The following AGO2 variants were observed in gnomAD, a reference collection of about 807,000 sequenced individuals.
AGO2 encodes argonaute RISC catalytic component 2.
In AGO2, 5 loss-of-function variants were observed where a neutral mutation model predicts 102.3. That is an observed-to-expected ratio of 0.05 (90% CI 0.03 to 0.10). The LOEUF (loss-of-function observed/expected upper bound fraction) is 0.10, where lower values mean the gene tolerates loss of function less well. AGO2 is among the 10% of genes least tolerant of loss of function. The pLI is 1.00. For missense variants in AGO2, 541 were observed against 1,183.7 expected, an observed-to-expected ratio of 0.46 and a Z score of 7.97; for synonymous variants, 449 against 473.1, an observed-to-expected ratio of 0.95 and a Z score of 0.66.
At chr8:140,606,084 T>C (rs3802214) in intron 1 of AGO2, among the ~76,000 whole-genome samples, 120,134 of 152,256 alleles carry the variant, frequency 0.79, 47,696 homozygotes, top group Admixed American at 0.84. Context: ...AGTAAAATAT[T>C]TGCAACTTAG....
intron 9 of AGO2, 44 bp from the exon 10 acceptor site, chr8:140,556,062 TC>T (rs1440564283): frequency 1.2e-6 from 2 of 1,612,036 alleles, no homozygotes; most frequent in Non-Finnish European, 8.5e-7. Flanking sequence ...GGTGGAGGCC[TC>T]CCATCTCTCT....
chr8:140,547,114 G>C (rs2072914666), intron 13 of AGO2, among the ~76,000 whole-genome samples: 1 of 152,232 alleles, frequency 6.6e-6, no homozygotes. Context: ...AAGCATGGTA[G>C]AGGGCCCTGG....
Position 140,594,238 on chromosome 8 carries a change from TAACTC to T in AGO2, c.23-8932_23-8928del, listed in dbSNP as rs199683158. On this transcript the variant is annotated intron_variant, in intron 1 of 18. Coordinates refer to ENST00000220592, the MANE Select transcript of AGO2 (RefSeq NM_012154.5). ...GCCAGTTAAGGGGACAGGAGAGAAA[TAACTC>T]AGTCGGAACAATTTTCTGAATATTT... Among the ~76,000 whole-genome samples the T allele has an allele frequency of 3.9e-5, 6 of 152,132 alleles. No homozygotes were observed. The East Asian group carries it at 1.2e-3, about 29-fold the overall frequency.
rs1199520657 is a variant in AGO2 at position 140,529,092 on chromosome 8, C to T, written c.*2952G>A. ...AACCCAGACTTCTACACATAATTTTCACATTCAGTTTGCTTAAAGCAAGGC... is the reference window on the plus strand; with the variant it reads ...AACCCAGACTTCTACACATAATTTTTACATTCAGTTTGCTTAAAGCAAGGC... On this transcript the variant is annotated 3_prime_UTR_variant, in exon 19 of 19. Coordinates refer to ENST00000220592, the MANE Select transcript of AGO2 (RefSeq NM_012154.5). 2 of 152,186 alleles carry T rather than the reference C, an allele frequency of 1.3e-5. No homozygotes were observed. Among genetic ancestry groups the T allele is most frequent in the Non-Finnish European group, 2.9e-5 (2 of 68,038 alleles). 9.4% of individuals were successfully genotyped at this position (152,186 alleles called of 1,614,324 possible).
At chr8:140,544,393 C>A in intron 13 of AGO2, 90 bp from the exon 14 acceptor site, 1 of 1,055,728 alleles carries the variant, frequency 9.5e-7, no homozygotes, top group South Asian at 1.5e-5. Context: ...TGGAGGTGGT[C>A]AGTGTATCAT....
intron 2 of AGO2, among the ~76,000 whole-genome samples, chr8:140,576,988 A>G (rs2073475014): frequency 6.6e-6 from 1 of 152,134 alleles, no homozygotes; most frequent in Non-Finnish European, 1.5e-5. Flanking sequence ...CAGGTGGATC[A>G]CGAGATCAGG....
intron 1 of AGO2, among the ~76,000 whole-genome samples, chr8:140,616,351 G>A (rs533057764): frequency 2.6e-5 from 4 of 152,328 alleles, no homozygotes; most frequent in African/African-American, 9.6e-5. Flanking sequence ...GGCTTCCTAT[G>A]CACAAGGAAG....
chr8:140,629,581 T>C (rs73714703), intron 1 of AGO2, among the ~76,000 whole-genome samples: 4,901 of 151,942 alleles, frequency 0.032, 259 homozygotes, highest in African/African-American at 0.11. Context: ...GGCTCACACT[T>C]GTAACCCCAG....
chr8:140,604,211 G>A (rs1219857990), intron 1 of AGO2, among the ~76,000 whole-genome samples: 2 of 152,240 alleles, frequency 1.3e-5, no homozygotes, highest in Non-Finnish European at 2.9e-5. Flanking sequence ...ATCAGAATGA[G>A]TGCAGCGTGC....
chr8:140,535,537 C>T lies in AGO2; in HGVS notation c.2202G>A (p.Thr734=), dbSNP rs752243102. 12 of 1,614,120 alleles carry T rather than the reference C, an allele frequency of 7.4e-6. No homozygotes were observed. The highest frequency in any genetic ancestry group is 2.7e-5 in the African/African-American group (2 of 74,954). ...VGKSGNIPAG[T]TVDTKITHPT... ...GGTGGGTGATTTTCGTGTCCACAGT[C>T]GTGCCTGCTGGAATGTTTCCACTTT... The change falls in exon 17 of 19, where the codon ACG becomes ACA. Residue 734 remains threonine, a synonymous_variant. Transcript: ENST00000220592.
At position 140,560,410 on chromosome 8, in the gene AGO2, G is replaced by A. The variant is rs2073179225; in HGVS notation, c.619C>T (p.Arg207Trp). 1 of 1,614,210 alleles carries A rather than the reference G, an allele frequency of 6.2e-7. No homozygotes were observed. Among genetic ancestry groups the A allele is most frequent in the Non-Finnish European group, 8.5e-7 (1 of 1,180,028 alleles). The change falls in exon 5 of 19, where the codon CGG becomes TGG. Residue 207 changes from arginine to tryptophan, a missense_variant. Arg to Trp is a moderately radical substitution (Grantham distance 101). Around this residue, in one of 6 missense-constraint regions of AGO2, gnomAD observed 21 missense variants for 105.0 expected, o/e 0.20. Coordinates refer to ENST00000220592, the MANE Select transcript of AGO2 (RefSeq NM_012154.5). ...EVWFGFHQSV[R>W]PSLWKMMLNI... ...AGCATCATTTTCCAGAGAGAAGGCC[G>A]GACGGACTGATGGAAGCCAAACCAC... is the stretch of plus-strand genomic sequence containing the variant.
chr8:140,577,162 C>G (rs2073478377), intron 2 of AGO2, among the ~76,000 whole-genome samples: 1 of 136,234 alleles, frequency 7.3e-6, no homozygotes, highest in Non-Finnish European at 1.5e-5. Context: ...GAGCCGAGAT[C>G]ACATCACTGC....
In AGO2 at chr8:140,521,203, T is replaced by C. The variant is rs1382251830; in HGVS notation, c.*10841A>G. ...GGAGCCAATTGCCCGGCACGTCTTA[T>C]TACTGAGAAAGTGCAAGAATGCTGA... On this transcript the variant is annotated 3_prime_UTR_variant, in exon 19 of 19. Transcript: ENST00000220592. 1 of 152,210 alleles carries C rather than the reference T, an allele frequency of 6.6e-6. No homozygotes were observed. Among genetic ancestry groups the C allele is most frequent in the East Asian group, 1.9e-4 (1 of 5,196 alleles). 9.4% of individuals were successfully genotyped at this position (152,210 alleles called of 1,614,324 possible). A position where few individuals can be genotyped will look rare whatever the true frequency, so the allele number is the denominator to read the frequency against.
chr8:140,598,548 G>A (rs2073882531), intron 1 of AGO2, among the ~76,000 whole-genome samples: 1 of 152,204 alleles, frequency 6.6e-6, no homozygotes, highest in African/African-American at 2.4e-5. Context: ...TAGGATCACC[G>A]GTCCACTCTG....
Position 140,532,083 on chromosome 8 carries a change from C to T in AGO2, c.2541G>A (p.Gln847=), listed in dbSNP as rs145869964. 1.2e-6 allele frequency: 2 copies of T among 1,614,072 alleles called. No individual in the cohort carries two copies. The highest frequency in any genetic ancestry group is 1.3e-5 in the African/African-American group (1 of 74,916). ...RDHQALAKAV[Q]VHQDTLRTMY... is the part of the protein sequence containing the mutation. The stretch of plus-strand genomic sequence containing the variant: ...TGGTGCGCAGAGTGTCTTGGTGAAC[C>T]TGGACCGCCTTGGCCAGTGCTTGGT... The change falls in exon 19 of 19, where the codon CAG becomes CAA. Residue 847 remains glutamine (Q), a synonymous_variant. Transcript: ENST00000220592.
In AGO2 at chr8:140,557,064, G is replaced by C. The variant is rs1181887124; in HGVS notation, c.1026+25C>G. The C allele has an allele frequency of 6.2e-7, 1 of 1,603,142 alleles. No homozygotes were observed. The highest frequency in any genetic ancestry group is 8.5e-7 in the Non-Finnish European group (1 of 1,173,354). ...GACGCCGCCCTCCCAAGCCCCCAGA[G>C]ACACACAGGAAGAGGGTGACTTGCC... On this transcript the variant is annotated intron_variant, in intron 8 of 18. Coordinates refer to ENST00000220592, the MANE Select transcript of AGO2 (RefSeq NM_012154.5). This position sits in a 1 kb window ranked among gnomAD's most constrained non-coding sequence, Gnocchi z 5.9.
intron 8 of AGO2, 107 bp downstream of exon 8, chr8:140,556,982 C>A: frequency 2.8e-6 from 4 of 1,443,442 alleles, no homozygotes; most frequent in Non-Finnish European, 3.7e-6. Context: ...AGAGGCAGTG[C>A]CATTTGTATC....
At chr8:140,609,811 C>T (rs181785616) in intron 1 of AGO2, among the ~76,000 whole-genome samples, 1 of 152,126 alleles carries the variant, frequency 6.6e-6, no homozygotes, top group East Asian at 1.9e-4. Context: ...CAGCCAGGCA[C>T]GGGGGCTCAC....
Position 140,559,385 on chromosome 8 carries a change from A to T in AGO2, c.790+10T>A, listed in dbSNP as rs567050991. ...AGCCCTCAGCCAGGTGTGCTGGGAC[A>T]GTTCATTACCTTTAATTTCTTTGGT... On this transcript the variant is annotated intron_variant, in intron 6 of 18. Coordinates refer to ENST00000220592, the MANE Select transcript of AGO2 (RefSeq NM_012154.5). 4.5e-5 allele frequency: 73 copies of T among 1,613,906 alleles called. No homozygotes were observed. In the East Asian group the frequency reaches 1.6e-3, roughly 35 times the overall value.
Sources: gnomAD v4.1 joint callset for allele counts (sites outside exome capture counted in the v4.1 genomes callset) on GRCh38, gnomAD v4.1.1 for gene constraint, gnomAD v4.1.1 regional missense constraint, Gnocchi (gnomAD v3.1) non-coding constraint, MANE v1.5 for transcripts, NCBI Gene and HGNC (gene_info 2026-07-23, HGNC 2026-07-21) for gene names.